The following LRRC69 variants were observed in gnomAD, a reference collection of about 807,000 sequenced individuals.
LRRC69 encodes the protein leucine-rich repeat-containing protein 69.
LRRC69 carries 42 observed loss-of-function variants against 37.8 expected under a neutral mutation model. That is an observed-to-expected ratio of 1.11 (90% CI 0.87 to 1.44). The LOEUF is 1.44. LRRC69 is among the 40% of genes most tolerant of loss of function. The pLI, the probability that LRRC69 is intolerant of heterozygous loss-of-function variation, is 0.00. For missense variants in LRRC69, 357 were observed against 401.9 expected, an observed-to-expected ratio of 0.89 and a Z score of 0.96; for synonymous variants, 141 against 143.1, an observed-to-expected ratio of 0.99 and a Z score of 0.11.
chr8:91,135,631 G>T, intron 4 of LRRC69, 37 bp from the exon 5 acceptor site: 1 of 1,259,082 alleles, frequency 7.9e-7, no homozygotes, highest in South Asian at 1.5e-5. Context: ...TTAAATATTA[G>T]ATTTAAAAAA....
chr8:91,210,402 C>A (rs932666998), intron 7 of LRRC69, among the ~76,000 whole-genome samples: 11 of 152,012 alleles, frequency 7.2e-5, no homozygotes, highest in African/African-American at 2.7e-4. Flanking sequence ...ACCATTACTC[C>A]CAATAGCTAT....
At chr8:91,202,939 G>T (rs1809735611) in intron 7 of LRRC69, among the ~76,000 whole-genome samples, 1 of 152,190 alleles carries the variant, frequency 6.6e-6, no homozygotes, top group African/African-American at 2.4e-5. Context: ...ATGGATTGAA[G>T]ATGCATCTTG....
At chr8:91,122,439 T>A (rs1813642704) in intron 1 of LRRC69, among the ~76,000 whole-genome samples, 1 of 152,124 alleles carries the variant, frequency 6.6e-6, no homozygotes, top group African/African-American at 2.4e-5. Context: ...TCATTGTTCC[T>A]GTTCAGTAAC....
chr8:91,208,600 AC>A (rs1157523731), intron 7 of LRRC69, among the ~76,000 whole-genome samples: 1 of 152,214 alleles, frequency 6.6e-6, no homozygotes, highest in Non-Finnish European at 1.5e-5. Flanking sequence ...TGGAAAGTTT[AC>A]CTAGTTAATT....
At chr8:91,201,769 G>T (rs1563623977) in intron 7 of LRRC69, among the ~76,000 whole-genome samples, 1 of 152,074 alleles carries the variant, frequency 6.6e-6, no homozygotes, top group Non-Finnish European at 1.5e-5. Flanking sequence ...CTGCCATTCT[G>T]AAAATTGTCA....
intron 5 of LRRC69, among the ~76,000 whole-genome samples, chr8:91,171,781 T>C (rs1809136723): frequency 6.6e-6 from 1 of 152,024 alleles, no homozygotes; most frequent in African/African-American, 2.4e-5. Flanking sequence ...AAAAATGTCT[T>C]TTCACTGTAG....
At chr8:91,202,392 A>G (rs192545060) in intron 7 of LRRC69, among the ~76,000 whole-genome samples, 305 of 152,310 alleles carry the variant, frequency 2.0e-3, no homozygotes, top group African/African-American at 6.8e-3. Context: ...TTAGGACTTC[A>G]ACATATGAAT....
chr8:91,184,080 G>A (rs1809367121), intron 5 of LRRC69, among the ~76,000 whole-genome samples: 2 of 152,072 alleles, frequency 1.3e-5, no homozygotes, highest in Admixed American at 6.6e-5. Context: ...TCAGGAGTTC[G>A]AGACCTGGGC....
intron 5 of LRRC69, among the ~76,000 whole-genome samples, chr8:91,144,472 G>A (rs980890304): frequency 1.8e-4 from 28 of 151,976 alleles, no homozygotes; most frequent in Admixed American, 5.2e-4. Flanking sequence ...TTGGTTTTCT[G>A]TTTATTTCTG....
At chr8:91,158,127 G>T (rs975766386) in intron 5 of LRRC69, 1 of 1,588,978 alleles carries the variant, frequency 6.3e-7, no homozygotes, top group African/African-American at 1.4e-5. Flanking sequence ...GCATTACCAG[G>T]TGAAACTCTC....
chr8:91,135,086 A>AT (rs369244574), intron 4 of LRRC69, among the ~76,000 whole-genome samples: 92 of 152,160 alleles, frequency 6.0e-4, no homozygotes, highest in African/African-American at 2.0e-3. Flanking sequence ...GGAAGCCCTT[A>AT]TATCATAACA....
chr8:91,213,769 G>A (rs1362592702), intron 7 of LRRC69, among the ~76,000 whole-genome samples: 2 of 152,106 alleles, frequency 1.3e-5, no homozygotes, highest in East Asian at 1.9e-4. Context: ...TCAGATACAT[G>A]GAGAAGAAAG....
At chr8:91,172,617 G>A (rs769950758) in intron 5 of LRRC69, among the ~76,000 whole-genome samples, 14 of 152,102 alleles carry the variant, frequency 9.2e-5, no homozygotes, top group African/African-American at 1.9e-4. Context: ...CTGGGTTCAA[G>A]CAATTATCCT....
intron 7 of LRRC69, among the ~76,000 whole-genome samples, chr8:91,216,296 T>A (rs939954093): frequency 3.9e-5 from 6 of 152,088 alleles, no homozygotes; most frequent in Non-Finnish European, 1.5e-5. Context: ...AGAGCCAACC[T>A]AAACTCTGCC....
intron 7 of LRRC69, among the ~76,000 whole-genome samples, chr8:91,213,466 G>A (rs1193219988): frequency 6.6e-6 from 1 of 152,164 alleles, no homozygotes; most frequent in Non-Finnish European, 1.5e-5. Context: ...GCATGGCAGT[G>A]ATAAATTATA....
intron 5 of LRRC69, among the ~76,000 whole-genome samples, chr8:91,163,877 A>G (rs567384056): frequency 6.6e-6 from 1 of 151,490 alleles, no homozygotes; most frequent in East Asian, 1.9e-4. Context: ...ATCTTCTATT[A>G]TAAATTACAA....
chr8:91,150,284 T>G (rs924478053), intron 5 of LRRC69, among the ~76,000 whole-genome samples: 1 of 152,026 alleles, frequency 6.6e-6, no homozygotes, highest in African/African-American at 2.4e-5. Flanking sequence ...ATTGAGAGTT[T>G]TTAGCATGAA....
At chr8:91,150,298 T>C (rs893024305) in intron 5 of LRRC69, among the ~76,000 whole-genome samples, 18 of 151,656 alleles carry the variant, frequency 1.2e-4, no homozygotes, top group African/African-American at 4.3e-4. Flanking sequence ...GCATGAAGCG[T>C]TGTTGAATTT....
In LRRC69 at chr8:91,134,088, G is replaced by A. The variant is rs576018214; in HGVS notation, c.579+783G>A. Among the ~76,000 whole-genome samples, 3 of 151,142 alleles carry A rather than the reference G, an allele frequency of 2.0e-5. 1 individual carries two copies. In the South Asian group the frequency reaches 6.3e-4, roughly 32 times the overall value. ...TGCCTTCTGCTTGGGAGACTGACCT[G>A]TGTGGGCAGCAGTGAACTTCTTTGT... On this transcript the variant is annotated intron_variant, in intron 4 of 7. Transcript: ENST00000448384.
Sources: allele counts gnomAD v4.1 joint callset (sites outside exome capture counted in the v4.1 genomes callset), GRCh38; gene constraint gnomAD v4.1.1; transcripts MANE v1.5; gene names NCBI Gene and HGNC (gene_info 2026-07-23, HGNC 2026-07-21).